The following PRRC2C variants were observed in gnomAD, a reference collection of about 807,000 sequenced individuals.
The protein encoded by PRRC2C is protein PRRC2C.
A neutral mutation model predicts 317.2 loss-of-function variants in PRRC2C; 72 were observed. The observed-to-expected ratio is 0.23, with a 90% confidence interval of 0.19 to 0.28. PRRC2C has a LOEUF of 0.28. Ranked by LOEUF, PRRC2C falls within the 10% of genes least tolerant of loss-of-function variation. The pLI is 1.00. For synonymous variants in PRRC2C, 1,296 were observed against 1,205.9 expected (o/e 1.07, Z -1.55); for missense variants, 3,074 against 3,459.7 (o/e 0.89, Z 2.80).
intron 16 of PRRC2C, among the ~76,000 whole-genome samples, chr1:171,544,718 T>C (rs1678716440): frequency 6.6e-6 from 1 of 152,192 alleles, no homozygotes; most frequent in African/African-American, 2.4e-5. Context: ...CCTGTAGAAA[T>C]GGCAGTGACG....
intron 33 of PRRC2C, 22 bp from the exon 34 acceptor site, chr1:171,589,347 A>G: frequency 1.7e-5 from 12 of 720,500 alleles, no homozygotes; most frequent in Non-Finnish European, 2.3e-5. Context: ...TCAATGTTGT[A>G]TGTTTTGTTT....
intron 19 of PRRC2C, among the ~76,000 whole-genome samples, chr1:171,559,915 G>A (rs1427319661): frequency 6.6e-6 from 1 of 152,126 alleles, no homozygotes; most frequent in African/African-American, 2.4e-5. Context: ...TGTTGACAGG[G>A]CACCTAGTCA....
At chr1:171,565,566 G>T (rs1572041089) in intron 20 of PRRC2C, among the ~76,000 whole-genome samples, 1 of 152,158 alleles carries the variant, frequency 6.6e-6, no homozygotes, top group East Asian at 1.9e-4. Context: ...TCCTGCATCA[G>T]CCTCCTGAGT....
intron 28 of PRRC2C, among the ~76,000 whole-genome samples, chr1:171,581,595 A>C (rs1648612904): frequency 6.6e-6 from 1 of 152,162 alleles, no homozygotes; most frequent in South Asian, 2.1e-4. Flanking sequence ...GAAAGCAGTT[A>C]TTTTATCCCT....
At chr1:171,507,622 A>G (rs186620449) in intron 1 of PRRC2C, among the ~76,000 whole-genome samples, 71 of 152,172 alleles carry the variant, frequency 4.7e-4, no homozygotes, top group Non-Finnish European at 7.9e-4. Flanking sequence ...TCAAAAAAAA[A>G]ATCTCTACCT....
intron 12 of PRRC2C, among the ~76,000 whole-genome samples, chr1:171,534,903 T>C (rs1676538655): frequency 6.6e-6 from 1 of 152,242 alleles, no homozygotes; most frequent in African/African-American, 2.4e-5. Flanking sequence ...AATGACATTC[T>C]AGAATGAATT....
chr1:171,494,716 C>CT (rs985476555), intron 1 of PRRC2C, among the ~76,000 whole-genome samples: 7 of 113,668 alleles, frequency 6.2e-5, no homozygotes, highest in African/African-American at 2.3e-4. Flanking sequence ...AACCTCTTCA[C>CT]TTTCGCCTTC....
chr1:171,518,833 CAT>C (rs988355400), intron 6 of PRRC2C, among the ~76,000 whole-genome samples: 3 of 150,800 alleles, frequency 2.0e-5, no homozygotes, highest in African/African-American at 7.3e-5. Context: ...AAATTTTAAA[CAT>C]GTACAAAAAT....
At chr1:171,568,758 T>C (rs1684153121) in intron 23 of PRRC2C, among the ~76,000 whole-genome samples, 1 of 152,154 alleles carries the variant, frequency 6.6e-6, no homozygotes, top group Admixed American at 6.5e-5. Context: ...AAAAGACAAC[T>C]ATAGAATTCC....
chr1:171,493,041 C>T (rs1183714512), intron 1 of PRRC2C, among the ~76,000 whole-genome samples: 10 of 151,102 alleles, frequency 6.6e-5, no homozygotes, highest in African/African-American at 2.4e-4. Context: ...TGAGCCACTG[C>T]GCCTGGCCGG....
At position 171,532,651 on chromosome 1, in the gene PRRC2C, TGAAAAA is replaced by T. The variant is rs762567805; in HGVS notation, c.1567_1572del (p.Lys523_Glu524del). 10 of 1,548,492 alleles carry T rather than the reference TGAAAAA, an allele frequency of 6.5e-6. No individual in the cohort carries two copies. Among genetic ancestry groups the T allele is most frequent in the African/African-American group, 4.2e-5 (3 of 71,852 alleles). On this transcript the variant is annotated inframe_deletion, in exon 12 of 35. Transcript: ENST00000647382. ...AAGAACGGGAGCGTGAGAAAGAACTTGAAAAAGAACAAGAACAGGAGCGAGAGAAGG... is the reference window on the plus strand; with the variant it reads ...AAGAACGGGAGCGTGAGAAAGAACTTGAACAAGAACAGGAGCGAGAGAAGG...
intron 30 of PRRC2C, 110 bp downstream of exon 30, chr1:171,584,636 T>A (rs1649434617): frequency 7.7e-7 from 1 of 1,292,772 alleles, no homozygotes; most frequent in Non-Finnish European, 1.0e-6. Flanking sequence ...GAGGATGGTT[T>A]TTAAACTGTT....
intron 34 of PRRC2C, chr1:171,591,351 G>T: frequency 1.5e-6 from 1 of 662,776 alleles, no homozygotes; most frequent in Non-Finnish European, 2.2e-6. Context: ...ACCTTGAAAA[G>T]GTGGTGGGAG....
In PRRC2C at chr1:171,579,966, TA is replaced by T; in HGVS notation, c.7409+5del. 1 of 1,514,318 alleles carries T rather than the reference TA, an allele frequency of 6.6e-7. No homozygotes were observed. Among genetic ancestry groups the T allele is most frequent in the South Asian group, 1.4e-5 (1 of 73,774 alleles). The allele number at this position is 1,514,318 out of a possible 1,614,324, so 93.8% of individuals were successfully genotyped here. ...CAGCTCCTCACTTCAACCATATAGG[TA>T]AATGCTTTAAAAGTTATGTTTGTAA... On this transcript the variant is annotated splice_donor_region_variant and intron_variant, in intron 28 of 34. Transcript: ENST00000647382.
At chr1:171,548,421 A>G (rs750882249) in intron 17 of PRRC2C, among the ~76,000 whole-genome samples, 10 of 152,240 alleles carry the variant, frequency 6.6e-5, no homozygotes, top group Non-Finnish European at 1.3e-4. Flanking sequence ...GCTAACAAGT[A>G]TCACCTTCCC....
intron 28 of PRRC2C, among the ~76,000 whole-genome samples, chr1:171,580,577 C>T (rs570383114): frequency 6.6e-6 from 1 of 152,292 alleles, no homozygotes; most frequent in African/African-American, 2.4e-5. Flanking sequence ...TTAGTCTTCA[C>T]ACAACCACCT....
intron 2 of PRRC2C, 57 bp downstream of exon 2, chr1:171,512,257 G>GCACCTTCTC: frequency 3.3e-6 from 4 of 1,198,380 alleles, no homozygotes; most frequent in Non-Finnish European, 4.8e-6. Flanking sequence ...TACTATAAGT[G>GCACCTTCTC]ATACACCTGC....
At chr1:171,580,074 G>A (rs779592115) in intron 28 of PRRC2C, 110 bp downstream of exon 28, 80 of 981,558 alleles carry the variant, frequency 8.2e-5, no homozygotes, top group Non-Finnish European at 1.1e-4. Flanking sequence ...GGATGACTCT[G>A]CTATAAACTA....
chr1:171,490,568 T>C (rs556275077), intron 1 of PRRC2C, among the ~76,000 whole-genome samples: 61 of 152,340 alleles, frequency 4.0e-4, no homozygotes, highest in African/African-American at 1.4e-3. Context: ...AGAAATGTAA[T>C]AGGATGTCTA....
Sources: allele counts gnomAD v4.1 joint callset (sites outside exome capture counted in the v4.1 genomes callset), GRCh38; gene constraint gnomAD v4.1.1; transcripts MANE v1.5; gene names NCBI Gene and HGNC (gene_info 2026-07-23, HGNC 2026-07-21).